Variants in ZNF660 observed in about 807,000 individuals in gnomAD.
The protein encoded by ZNF660 is zinc finger protein 660.
Under a neutral mutation model 23.2 loss-of-function variants are expected in ZNF660, and 24 were observed. That is an observed-to-expected ratio of 1.04 (90% confidence interval 0.75 to 1.46). The LOEUF is 1.46. Ranked by LOEUF, ZNF660 falls within the 40% of genes most tolerant of loss-of-function variation. The pLI is 0.00. For missense variants in ZNF660, 373 were observed against 396.8 expected (o/e 0.94, Z 0.51); for synonymous variants, 117 against 131.4 (o/e 0.89, Z 0.75).
intron 2 of ZNF660, chr3:44,586,551 TGA>T (rs1467969939): frequency 6.6e-6 from 1 of 152,228 alleles, no homozygotes; most frequent in Non-Finnish European, 1.5e-5. Flanking sequence ...TCTGACATAC[TGA>T]GAGTCTCTGA....
In ZNF660 at chr3:44,595,421, G is replaced by T; in HGVS notation, c.*232G>T. The T allele has an allele frequency of 8.0e-6, 3 of 377,104 alleles. No homozygotes were observed. Among genetic ancestry groups the T allele is most frequent in the Non-Finnish European group, 1.4e-5 (3 of 207,136 alleles). 23.4% of individuals were successfully genotyped at this position (377,104 alleles called of 1,614,324 possible). A position where few individuals can be genotyped will look rare whatever the true frequency, so the allele number is the denominator to read the frequency against. On this transcript the variant is annotated 3_prime_UTR_variant, in exon 3 of 3. Coordinates refer to ENST00000322734, the MANE Select transcript of ZNF660 (RefSeq NM_173658.4). ...ATGAATGATGAGCTATCCATATGAT[G>T]GTTCTGCAGCCATTGCAAACATTTT...
In ZNF660 at chr3:44,599,508, C is replaced by G. The variant is rs1269001412; in HGVS notation, c.*4319C>G. ...AAATTTCATTGCAGCTCTGTACCCT[C>G]AGCAGGACTTCCTTTCTTGATTGTT... On this transcript the variant is annotated 3_prime_UTR_variant, in exon 3 of 3. Coordinates refer to ENST00000322734, the MANE Select transcript of ZNF660 (RefSeq NM_173658.4). 1 of 152,150 alleles carries G rather than the reference C, an allele frequency of 6.6e-6. No homozygotes were observed. The highest frequency in any genetic ancestry group is 1.5e-5 in the Non-Finnish European group (1 of 68,038). The allele number at this position is 152,150 out of a possible 1,614,324, so 9.4% of individuals were successfully genotyped here.
chr3:44,587,088 A>G (rs1700249545), intron 2 of ZNF660: 1 of 151,770 alleles, frequency 6.6e-6, no homozygotes, highest in African/African-American at 2.4e-5. Flanking sequence ...TTTTCTTGCA[A>G]TGTTTACATT....
rs397876489 is a variant in ZNF660, at chr3:44,589,959, CTTT to C, written c.-181+3767_-181+3769del. 5.5e-4 allele frequency among the ~76,000 whole-genome samples: 57 copies of C among 102,988 alleles called. 1 individual carries two copies. The highest frequency in any genetic ancestry group is 9.7e-4 in the African/African-American group (25 of 25,768). 67.6% of individuals were successfully genotyped at this position (102,988 alleles called of 152,430 possible). A position where few individuals can be genotyped will look rare whatever the true frequency, so the allele number is the denominator to read the frequency against. On this transcript the variant is annotated intron_variant, in intron 2 of 2. Transcript: ENST00000322734. Reference sequence around the variant, plus strand: ...ATTTTCATGTATACCAACCCTGTGCCTTTTTTTTTTTTTTTTTTTTTTTGAGAA... The same window carrying C: ...ATTTTCATGTATACCAACCCTGTGCCTTTTTTTTTTTTTTTTTTTTGAGAA...
chr3:44,594,415 A>G lies in ZNF660; in HGVS notation c.222A>G (p.Gly74=), dbSNP rs1224122901. The G allele has an allele frequency of 6.2e-7, 1 of 1,613,842 alleles. No homozygotes were observed. The highest frequency in any genetic ancestry group is 1.3e-5 in the African/African-American group (1 of 74,818). ...NLTVHERIHT[G]EKPYKCKECG... is the part of the protein sequence containing the mutation. The stretch of plus-strand genomic sequence containing the variant: ...CAGTACATGAGCGAATCCACACGGG[A>G]GAGAAACCCTATAAGTGTAAGGAGT... Residue 74 remains glycine (G), a synonymous_variant, in exon 3 of 3, where the codon GGA becomes GGG. Coordinates refer to ENST00000322734, the MANE Select transcript of ZNF660 (RefSeq NM_173658.4).
rs1416610856 is a variant in ZNF660, at chr3:44,596,750, C to CA, written c.*1562dup. 6.6e-6 allele frequency: 1 copy of CA among 152,226 alleles called. No homozygotes were observed. The highest frequency in any genetic ancestry group is 1.5e-5 in the Non-Finnish European group (1 of 68,050). The allele number at this position is 152,226 out of a possible 1,614,324, so 9.4% of individuals were successfully genotyped here. A position where few individuals can be genotyped will look rare whatever the true frequency, so the allele number is the denominator to read the frequency against. On this transcript the variant is annotated 3_prime_UTR_variant, in exon 3 of 3. Coordinates refer to ENST00000322734, the MANE Select transcript of ZNF660 (RefSeq NM_173658.4). ...ACTGGAAAAGGAGCTGAGGCTTTCT[C>CA]ATCTGGTTTCTTCCTTTTGTCACTG...
At chr3:44,593,927 A>G (rs544339267) in intron 2 of ZNF660, 87 bp from the exon 3 acceptor site, 6 of 553,446 alleles carry the variant, frequency 1.1e-5, no homozygotes, top group African/African-American at 1.9e-5. Context: ...ACCCTTCCAT[A>G]TGGCTACCAC....
chr3:44,587,059 C>T (rs1431973283), intron 2 of ZNF660: 1 of 152,124 alleles, frequency 6.6e-6, no homozygotes, highest in Non-Finnish European at 1.5e-5. Flanking sequence ...AGGCTTAGGC[C>T]TTTCTTCTAA....
chr3:44,593,936 A>G, intron 2 of ZNF660, 78 bp from the exon 3 acceptor site: 1 of 572,986 alleles, frequency 1.7e-6, no homozygotes, highest in Non-Finnish European at 3.3e-6. Context: ...TATGGCTACC[A>G]CATCTTGTCC....
At chr3:44,587,673 C>T (rs940112234) in intron 2 of ZNF660, among the ~76,000 whole-genome samples, 2 of 152,234 alleles carry the variant, frequency 1.3e-5, no homozygotes, top group Non-Finnish European at 2.9e-5. Context: ...TCCTCCATCA[C>T]CACCCTGGGC....
At position 44,598,137 on chromosome 3, in the gene ZNF660, CTTTTCT is replaced by C. The variant is rs368747751; in HGVS notation, c.*2953_*2958del. The C allele has an allele frequency of 0.24, 30,283 of 126,322 alleles. 2,195 individuals carry two copies. Among genetic ancestry groups the C allele is most frequent in the Non-Finnish European group, 0.26 (15,856 of 60,750 alleles). 7.8% of individuals were successfully genotyped at this position (126,322 alleles called of 1,614,324 possible). On this transcript the variant is annotated 3_prime_UTR_variant, in exon 3 of 3. Coordinates refer to ENST00000322734, the MANE Select transcript of ZNF660 (RefSeq NM_173658.4). Reference sequence around the variant, plus strand: ...GCTTTCTTTTTCTTTCTTTTCTTTTCTTTTCTTTTTTTTTTTTTTTTGAGATGGAAT... The same window carrying C: ...GCTTTCTTTTTCTTTCTTTTCTTTTCTTTTTTTTTTTTTTTGAGATGGAAT...
In ZNF660 at chr3:44,595,265, A is replaced by G. The variant is rs1206151243; in HGVS notation, c.*76A>G. The G allele has an allele frequency of 6.9e-7, 1 of 1,439,532 alleles. No homozygotes were observed. The highest frequency in any genetic ancestry group is 9.3e-7 in the Non-Finnish European group (1 of 1,075,594). The allele number at this position is 1,439,532 out of a possible 1,614,324, so 89.2% of individuals were successfully genotyped here. A position where few individuals can be genotyped will look rare whatever the true frequency, so the allele number is the denominator to read the frequency against. ...GTTCTTTAGTATCAACTTTAATTCT[A>G]CTTCTAAGAATCATACTCTACTTCT... On this transcript the variant is annotated 3_prime_UTR_variant, in exon 3 of 3. Transcript: ENST00000322734.
Position 44,594,165 on chromosome 3 carries a change from G to A in ZNF660, c.-29G>A, listed in dbSNP as rs772715938. On this transcript the variant is annotated 5_prime_UTR_variant, in exon 3 of 3. Coordinates refer to ENST00000322734, the MANE Select transcript of ZNF660 (RefSeq NM_173658.4). Reference sequence around the variant, plus strand: ...CTGAAGGGAAAGAGAAGACTAGAGAGGACACTGGTATGTTCCAAGCAGGAG... The same window carrying A: ...CTGAAGGGAAAGAGAAGACTAGAGAAGACACTGGTATGTTCCAAGCAGGAG... 6.2e-7 allele frequency: 1 copy of A among 1,612,062 alleles called. No homozygotes were observed. The highest frequency in any genetic ancestry group is 1.1e-5 in the South Asian group (1 of 90,614).
At position 44,596,358 on chromosome 3, in the gene ZNF660, T is replaced by C. The variant is rs1408804971; in HGVS notation, c.*1169T>C. Reference sequence around the variant, plus strand: ...GATTAAGTGAGTAATGCATGAAATATATGATAAGCCAGACACGTGGTAAAT... The same window carrying C: ...GATTAAGTGAGTAATGCATGAAATACATGATAAGCCAGACACGTGGTAAAT... On this transcript the variant is annotated 3_prime_UTR_variant, in exon 3 of 3. Transcript: ENST00000322734. The C allele has an allele frequency of 1.3e-5, 2 of 152,194 alleles. No homozygotes were observed. Among genetic ancestry groups the C allele is most frequent in the Non-Finnish European group, 2.9e-5 (2 of 68,034 alleles). The allele number at this position is 152,194 out of a possible 1,614,324, so 9.4% of individuals were successfully genotyped here.
intron 2 of ZNF660, among the ~76,000 whole-genome samples, chr3:44,592,503 G>C (rs928360934): frequency 6.6e-6 from 1 of 152,108 alleles, no homozygotes; most frequent in Non-Finnish European, 1.5e-5. Flanking sequence ...CGTCAAACCA[G>C]TTGGGAAATT....
At chr3:44,589,959 CTTTTTTTT>C (rs397876489) in intron 2 of ZNF660, among the ~76,000 whole-genome samples, 1 of 102,992 alleles carries the variant, frequency 9.7e-6, no homozygotes, top group Admixed American at 1.0e-4. Flanking sequence ...AACCCTGTGC[CTTTTTTTT>C]TTTTTTTTTT....
chr3:44,593,825 C>T (rs1057077549), intron 2 of ZNF660, among the ~76,000 whole-genome samples, 189 bp from the exon 3 acceptor site: 1 of 152,174 alleles, frequency 6.6e-6, no homozygotes, highest in Non-Finnish European at 1.5e-5. Context: ...CTCCCCTTAG[C>T]CCCTGGCTTT....
At chr3:44,587,792 G>A (rs957566503) in intron 2 of ZNF660, among the ~76,000 whole-genome samples, 2 of 152,168 alleles carry the variant, frequency 1.3e-5, no homozygotes, top group Admixed American at 6.5e-5. Flanking sequence ...GGTGGCTTAC[G>A]CCTGCAATCC....
Position 44,594,530 on chromosome 3 carries a change from A to G in ZNF660, c.337A>G (p.Lys113Glu). ...GCCCTATACATGCAGTGAATGTGGG[A>G]AATCTTTCAGTGGAAAGTCACATCT... is the stretch of plus-strand genomic sequence containing the variant. Reference protein sequence around the residue: ...LKPYTCSECGKSFSGKSHLIR... With the variant: ...LKPYTCSECGESFSGKSHLIR... Residue 113 changes from lysine to glutamate, a missense_variant, in exon 3 of 3, where the codon AAA becomes GAA. Lys to Glu is a moderately conservative substitution (Grantham distance 56). Transcript: ENST00000322734. 1.2e-6 allele frequency: 2 copies of G among 1,614,222 alleles called. No individual in the cohort carries two copies. Among genetic ancestry groups the G allele is most frequent in the South Asian group, 1.1e-5 (1 of 91,086 alleles).
Sources: allele counts gnomAD v4.1 joint callset (sites outside exome capture counted in the v4.1 genomes callset), GRCh38; gene constraint gnomAD v4.1.1; transcripts MANE v1.5; gene names NCBI Gene and HGNC (gene_info 2026-07-23, HGNC 2026-07-21).